The following ADGRV1 variants were observed in gnomAD, a reference collection of about 807,000 sequenced individuals.
ADGRV1 encodes adhesion G protein-coupled receptor V1, also known as G-protein coupled receptor 98.
Under a neutral mutation model 596.2 loss-of-function variants are expected in ADGRV1, and 359 were observed. The ratio of observed to expected loss-of-function variants is 0.60; its 90% CI spans 0.55 to 0.66. The LOEUF is 0.66. ADGRV1 is among the 30% of genes least tolerant of loss of function. The pLI, the probability that ADGRV1 is intolerant of heterozygous loss-of-function variation, is 0.00. For synonymous variants in ADGRV1, 2,681 were observed against 2,679.2 expected (o/e 1.00, Z -0.02); for missense variants, 7,274 against 7,575.6 (o/e 0.96, Z 1.48).
At chr5:91,033,024 A>G (rs969226758) in intron 85 of ADGRV1, among the ~76,000 whole-genome samples, 5 of 152,186 alleles carry the variant, frequency 3.3e-5, no homozygotes, top group African/African-American at 9.7e-5. Flanking sequence ...CCTGTTAGTT[A>G]GTGGGTTTTA....
At position 90,614,936 on chromosome 5, in the gene ADGRV1, G is replaced by C. The variant is rs529913709; in HGVS notation, c.124G>C (p.Val42Leu). 1 of 1,598,920 alleles carries C rather than the reference G, an allele frequency of 6.3e-7. No individual in the cohort carries two copies. The highest frequency in any genetic ancestry group is 1.1e-5 in the South Asian group (1 of 88,670). Residue 42 changes from valine (V) to leucine (L), a missense_variant, in exon 2 of 90, where the codon GTT (valine) becomes CTT (leucine). By Grantham distance (32) the Val-to-Leu change is conservative. Around this residue, in one of 5 missense-constraint regions of ADGRV1, gnomAD observed 1,715 missense variants for 1,708.8 expected, o/e 1.00. Transcript: ENST00000405460. Reference sequence around the variant, plus strand: ...AAGATTTACTGGACAAACTGAATTTGTTGTTAATGAAACAAGTACAACAGT... The same window carrying C: ...AAGATTTACTGGACAAACTGAATTTCTTGTTAATGAAACAAGTACAACAGT... ...EIRFTGQTEF[V>L]VNETSTTVIR...
intron 76 of ADGRV1, 129 bp downstream of exon 76, chr5:90,823,725 T>C (rs913698301): frequency 5.3e-6 from 4 of 755,062 alleles, no homozygotes; most frequent in Non-Finnish European, 8.3e-6. Context: ...TTAGCCATAA[T>C]GTCTAAATCT....
intron 77 of ADGRV1, among the ~76,000 whole-genome samples, chr5:90,833,729 T>C (rs1048916562): frequency 2.6e-5 from 4 of 152,200 alleles, no homozygotes; most frequent in African/African-American, 9.6e-5. Context: ...TGCTACTGAT[T>C]TTTGTATGTT....
chr5:90,976,730 C>T (rs141577924), intron 84 of ADGRV1, among the ~76,000 whole-genome samples: 1 of 151,964 alleles, frequency 6.6e-6, no homozygotes, highest in Non-Finnish European at 1.5e-5. Context: ...TTCATTTGGC[C>T]GAATTTTATG....
At chr5:91,072,631 T>C in intron 86 of ADGRV1, 27 bp downstream of exon 86, 1 of 1,593,564 alleles carries the variant, frequency 6.3e-7, no homozygotes, top group Non-Finnish European at 8.6e-7. Context: ...ATTTGTACTT[T>C]GGAGATGGAA....
chr5:90,899,986 G>A (rs1771687728), intron 83 of ADGRV1, among the ~76,000 whole-genome samples: 1 of 152,124 alleles, frequency 6.6e-6, no homozygotes, highest in South Asian at 2.1e-4. Flanking sequence ...TTATAGATTT[G>A]TCTTAACCGA....
In ADGRV1 at chr5:90,957,601, GTA is replaced by G. The variant is rs1325918772; in HGVS notation, c.17857-7808_17857-7807del. On this transcript the variant is annotated intron_variant, in intron 83 of 89. Transcript: ENST00000405460. Reference sequence around the variant, plus strand: ...CATATAGTATATATATAACATATATGTATATATTTTAACTATATATGTTATAT... The same window carrying G: ...CATATAGTATATATATAACATATATGTATATTTTAACTATATATGTTATAT... Among the ~76,000 whole-genome samples, 3 of 146,372 alleles carry G rather than the reference GTA, an allele frequency of 2.0e-5. No homozygotes were observed. The Admixed American group carries it at 2.1e-4, about 10-fold the overall frequency.
At chr5:90,693,402 A>G (rs947193378) in intron 32 of ADGRV1, among the ~76,000 whole-genome samples, 7 of 152,120 alleles carry the variant, frequency 4.6e-5, no homozygotes, top group African/African-American at 7.2e-5. Flanking sequence ...TGTAAATGCT[A>G]TATAAATAGT....
At chr5:90,714,250 ATTGT>A (rs1187665874) in intron 42 of ADGRV1, among the ~76,000 whole-genome samples, 1 of 149,036 alleles carries the variant, frequency 6.7e-6, no homozygotes, top group African/African-American at 2.5e-5. Context: ...CATTTTCCTG[ATTGT>A]TAGTGAGCTT....
chr5:90,975,366 A>T (rs1054844708), intron 84 of ADGRV1, among the ~76,000 whole-genome samples: 3 of 152,164 alleles, frequency 2.0e-5, no homozygotes, highest in Admixed American at 6.6e-5. Context: ...TACCCAAAGG[A>T]TTATAAATCA....
intron 81 of ADGRV1, 140 bp from the exon 82 acceptor site, chr5:90,855,601 T>C (rs1284394492): frequency 1.7e-6 from 1 of 597,786 alleles, no homozygotes; most frequent in Non-Finnish European, 3.0e-6. Context: ...TTCCCTTCAC[T>C]GTTTCTTCTT....
intron 31 of ADGRV1, among the ~76,000 whole-genome samples, chr5:90,691,577 GT>G (rs201852523): frequency 0.021 from 3,262 of 151,834 alleles, 49 homozygotes; most frequent in Non-Finnish European, 0.033. Flanking sequence ...TAGAAACGGA[GT>G]TTCACAGTGT....
intron 31 of ADGRV1, 125 bp downstream of exon 31, chr5:90,691,166 A>C: frequency 3.3e-6 from 4 of 1,226,990 alleles, no homozygotes; most frequent in Non-Finnish European, 3.6e-6. Context: ...AGAATGTTCA[A>C]ACTATGCTAG....
chr5:90,909,985 A>G (rs1168616270), intron 83 of ADGRV1, among the ~76,000 whole-genome samples: 2 of 152,274 alleles, frequency 1.3e-5, no homozygotes, highest in Non-Finnish European at 2.9e-5. Flanking sequence ...AACTTTGGTA[A>G]CAGGCTTCTG....
At chr5:90,648,191 A>G (rs1393693654) in intron 17 of ADGRV1, among the ~76,000 whole-genome samples, 1 of 152,166 alleles carries the variant, frequency 6.6e-6, no homozygotes. Flanking sequence ...AGCTAACTTC[A>G]ACTGTTTGAT....
At chr5:90,638,282 G>T (rs1378949684) in intron 11 of ADGRV1, among the ~76,000 whole-genome samples, 2 of 151,818 alleles carry the variant, frequency 1.3e-5, no homozygotes. Flanking sequence ...AAAATGTTAG[G>T]TTAAGCAAAC....
chr5:90,693,693 T>C (rs1367172748), intron 32 of ADGRV1, among the ~76,000 whole-genome samples, 197 bp from the exon 33 acceptor site: 1 of 152,232 alleles, frequency 6.6e-6, no homozygotes, highest in Non-Finnish European at 1.5e-5. Context: ...TGTTGTTTGA[T>C]TGAAAATTAG....
intron 59 of ADGRV1, among the ~76,000 whole-genome samples, chr5:90,766,162 G>C (rs1345710366): frequency 6.6e-6 from 1 of 152,046 alleles, no homozygotes; most frequent in South Asian, 2.1e-4. Context: ...GCCCGCCTTG[G>C]CCTCCCAAAG....
At chr5:91,014,305 C>T (rs767203476) in intron 85 of ADGRV1, among the ~76,000 whole-genome samples, 16 of 151,842 alleles carry the variant, frequency 1.1e-4, no homozygotes, top group Non-Finnish European at 1.6e-4. Flanking sequence ...ATTTTTGCAT[C>T]GATGTTTATC....
Sources: allele counts gnomAD v4.1 joint callset (sites outside exome capture counted in the v4.1 genomes callset), GRCh38; gene constraint gnomAD v4.1.1; regional missense constraint gnomAD v4.1.1; transcripts MANE v1.5; gene names NCBI Gene and HGNC (gene_info 2026-07-23, HGNC 2026-07-21).